Variants in USP39 observed in about 807,000 individuals in gnomAD.
The protein encoded by USP39 is ubiquitin carboxyl-terminal hydrolase 39.
Under a neutral mutation model 66.4 loss-of-function variants are expected in USP39, and 38 were observed. The ratio of observed to expected loss-of-function variants is 0.57; its 90% CI spans 0.44 to 0.75. The LOEUF is 0.75. USP39 is among the 30% of genes least tolerant of loss of function. USP39 has a pLI of 0.00. For missense variants in USP39, 608 were observed against 714.4 expected (o/e 0.85, Z 1.70); for synonymous variants, 303 against 274.6 (o/e 1.10, Z -1.02).
At chr2:85,616,122 TC>T, upstream of USP39, 1 of 1,386,698 alleles carries the variant, frequency 7.2e-7, no homozygotes. Flanking sequence ...TACCAGCCCC[TC>T]TCCTGATTGG....
At chr2:85,609,199 G>C, upstream of USP39, 1 of 1,341,426 alleles carries the variant, frequency 7.5e-7, no homozygotes, top group Non-Finnish European at 1.0e-6. Flanking sequence ...TTTCCTATGT[G>C]TCTCCTGTAA....
upstream of USP39, chr2:85,612,111 C>T: frequency 2.1e-6 from 2 of 950,064 alleles, no homozygotes. Flanking sequence ...CTGGGAGGCC[C>T]CGGCCTGGCC....
At chr2:85,610,451 G>C (rs1376598502), upstream of USP39, 1 of 152,216 alleles carries the variant, frequency 6.6e-6, no homozygotes, top group Non-Finnish European at 1.5e-5. Flanking sequence ...AAGCAGAAGG[G>C]TGGATAGAGC....
At position 85,616,337 on chromosome 2, in the gene USP39, G is replaced by A. The variant is rs767925097; in HGVS notation, c.142G>A (p.Val48Met). 14 of 1,601,370 alleles carry A rather than the reference G, an allele frequency of 8.7e-6. No individual in the cohort carries two copies. The South Asian group carries it at 1.6e-4, about 18-fold the overall frequency. Residue 48 changes from valine (V) to methionine (M), a missense_variant, in exon 1 of 13, where the codon GTG (valine) becomes ATG (methionine). Coordinates refer to ENST00000323701, the MANE Select transcript of USP39 (RefSeq NM_006590.4). ...GGCGGCGAGCTCCCGGGGCAGCCCT[G>A]TGCGCGTGAAGCGGGAGTTCGAGCC... Reference protein sequence around the residue: ...PEAASSRGSPVRVKREFEPAS... With the variant: ...PEAASSRGSPMRVKREFEPAS...
chr2:85,640,291 CTT>C (rs763669112), intron 9 of USP39, among the ~76,000 whole-genome samples: 15 of 141,844 alleles, frequency 1.1e-4, no homozygotes, highest in Admixed American at 2.1e-4. Flanking sequence ...GGGAGACATA[CTT>C]TTTTTTTTTT....
chr2:85,635,673 C>T (rs1351286030), intron 6 of USP39, among the ~76,000 whole-genome samples: 1 of 152,184 alleles, frequency 6.6e-6, no homozygotes, highest in Non-Finnish European at 1.5e-5. Flanking sequence ...TATGCCTTTT[C>T]AGTCTGGGTG....
At chr2:85,640,620 T>TA (rs199987662) in intron 9 of USP39, among the ~76,000 whole-genome samples, 113 of 102,842 alleles carry the variant, frequency 1.1e-3, no homozygotes, top group Middle Eastern at 9.4e-3. Flanking sequence ...TATATATATA[T>TA]TTTTTTTTTC....
intron 2 of USP39, among the ~76,000 whole-genome samples, chr2:85,620,736 A>T (rs1674399673): frequency 6.6e-6 from 1 of 152,172 alleles, no homozygotes; most frequent in Non-Finnish European, 1.5e-5. Context: ...CTGTATTTTA[A>T]ATTTAATTGT....
upstream of USP39, among the ~76,000 whole-genome samples, chr2:85,615,548 G>C (rs1460915357): frequency 6.6e-6 from 1 of 152,156 alleles, no homozygotes; most frequent in African/African-American, 2.4e-5. Context: ...GTTTTCCTGT[G>C]CAGGATTGTC....
intron 5 of USP39, among the ~76,000 whole-genome samples, chr2:85,627,942 CAT>C (rs1454801833): frequency 6.6e-5 from 10 of 152,096 alleles, no homozygotes; most frequent in Non-Finnish European, 1.3e-4. Context: ...ATATGTTGCA[CAT>C]GTTTTCTGCT....
upstream of USP39, chr2:85,609,408 G>A (rs1673357724): frequency 1.9e-6 from 3 of 1,610,960 alleles, no homozygotes; most frequent in Non-Finnish European, 2.5e-6. Context: ...AGGACCTTCA[G>A]GCTGCAGCTG....
At chr2:85,605,590 GTAAT>G (rs774430362) in intron 1 of USP39, among the ~76,000 whole-genome samples, 14 of 152,202 alleles carry the variant, frequency 9.2e-5, no homozygotes, top group South Asian at 8.3e-4. Context: ...AATATTTTAA[GTAAT>G]TGTCAACATT....
At chr2:85,616,016 AGGGGAGAG>A, upstream of USP39, 1 of 1,233,494 alleles carries the variant, frequency 8.1e-7, no homozygotes, top group Non-Finnish European at 1.0e-6. Context: ...GAAGGTTCTA[AGGGGAGAG>A]GAAGCCAGTG....
At chr2:85,624,540 T>G (rs1165059845) in intron 4 of USP39, among the ~76,000 whole-genome samples, 2 of 152,086 alleles carry the variant, frequency 1.3e-5, no homozygotes, top group African/African-American at 4.8e-5. Flanking sequence ...AGAGATGGAG[T>G]CTCACTGCAT....
intron 1 of USP39, among the ~76,000 whole-genome samples, chr2:85,605,841 G>A (rs995877750): frequency 6.6e-6 from 1 of 152,174 alleles, no homozygotes; most frequent in African/African-American, 2.4e-5. Context: ...CCATGGAGAT[G>A]GAATGTCCCT....
intron 9 of USP39, 64 bp downstream of exon 9, chr2:85,639,455 T>A: frequency 2.7e-5 from 7 of 258,292 alleles, no homozygotes; most frequent in Non-Finnish European, 4.1e-5. Context: ...TTTCATTTTC[T>A]TTTTTTTTTT....
chr2:85,634,354 G>T lies in USP39; in HGVS notation c.950-1699G>T, dbSNP rs575673516. On this transcript the variant is annotated intron_variant, in intron 6 of 12. Coordinates refer to ENST00000323701, the MANE Select transcript of USP39 (RefSeq NM_006590.4). ...TTTGGGAGGCCGAAGTGGGAGGATT[G>T]CTTGAGCCCAAGAGTTCAAGACCAG... Among the ~76,000 whole-genome samples the T allele has an allele frequency of 7.9e-4, 120 of 152,050 alleles. 1 individual carries two copies. Among genetic ancestry groups the T allele is most frequent in the Non-Finnish European group, 7.8e-4 (53 of 67,980 alleles).
intron 4 of USP39, 151 bp from the exon 5 acceptor site, chr2:85,625,388 T>C: frequency 1.1e-6 from 1 of 934,036 alleles, no homozygotes; most frequent in South Asian, 1.5e-5. Flanking sequence ...CCGTGTTACT[T>C]CAATCTTTAC....
intron 1 of USP39, among the ~76,000 whole-genome samples, chr2:85,606,279 C>T (rs1261720903): frequency 6.6e-6 from 1 of 152,204 alleles, no homozygotes; most frequent in Non-Finnish European, 1.5e-5. Context: ...TGCCACTGTA[C>T]GCCACAGCAC....
Sources: allele counts gnomAD v4.1 joint callset (sites outside exome capture counted in the v4.1 genomes callset), GRCh38; gene constraint gnomAD v4.1.1; transcripts MANE v1.5; gene names NCBI Gene and HGNC (gene_info 2026-07-23, HGNC 2026-07-21).